IL1RAPL1: variants seen among roughly 807,000 people sequenced by gnomAD.
IL1RAPL1 encodes the protein interleukin-1 receptor accessory protein-like 1.
A neutral mutation model predicts 48.4 loss-of-function variants in IL1RAPL1; 3 were observed. The observed-to-expected ratio is 0.06, with a 90% CI of 0.03 to 0.16. IL1RAPL1 has a LOEUF of 0.16. Ranked by LOEUF, IL1RAPL1 falls within the 10% of genes least tolerant of loss-of-function variation. The pLI is 1.00. For synonymous variants in IL1RAPL1, 185 were observed against 187.7 expected, an observed-to-expected ratio of 0.99 and a Z score of 0.12; for missense variants, 349 against 530.6, an observed-to-expected ratio of 0.66 and a Z score of 3.36.
chrX:29,825,891 G>C (rs897480071), intron 6 of IL1RAPL1, among the ~76,000 whole-genome samples: 4 of 110,802 alleles, frequency 3.6e-5, no homozygotes, highest in Non-Finnish European at 7.6e-5. Flanking sequence ...GCCAGATTTG[G>C]ACTGCTGAAT....
chrX:29,595,332 C>T (rs146185673), intron 5 of IL1RAPL1, among the ~76,000 whole-genome samples: 34 of 111,950 alleles, frequency 3.0e-4, no homozygotes, highest in African/African-American at 7.8e-4. Context: ...CCATAGTGGT[C>T]GTACTAGTTT....
intron 2 of IL1RAPL1, among the ~76,000 whole-genome samples, chrX:29,261,192 A>G (rs961132417): frequency 9.1e-6 from 1 of 110,313 alleles, no homozygotes; most frequent in African/African-American, 3.3e-5. Flanking sequence ...TATGATTTTA[A>G]TGGCTGCAAC....
intron 9 of IL1RAPL1, among the ~76,000 whole-genome samples, chrX:29,944,485 T>C (rs930402151): frequency 2.7e-5 from 3 of 111,873 alleles, no homozygotes; most frequent in African/African-American, 9.7e-5. Context: ...AAGTGTATAA[T>C]TGCAACTTTC....
intron 2 of IL1RAPL1, among the ~76,000 whole-genome samples, chrX:28,882,742 C>T (rs191151066): frequency 8.9e-6 from 1 of 111,954 alleles, no homozygotes; most frequent in African/African-American, 3.2e-5. Context: ...ACATGAAATG[C>T]TAAAGAGTAT....
At chrX:28,705,386 A>G (rs1392063254) in intron 1 of IL1RAPL1, among the ~76,000 whole-genome samples, 1 of 112,001 alleles carries the variant, frequency 8.9e-6, no homozygotes, top group African/African-American at 3.2e-5. Context: ...AATTGTTCAT[A>G]AATCCCCTTC....
At chrX:28,792,638 A>G (rs1344568454) in intron 2 of IL1RAPL1, among the ~76,000 whole-genome samples, 2 of 102,029 alleles carry the variant, frequency 2.0e-5, no homozygotes, top group African/African-American at 7.2e-5. Flanking sequence ...ATACAAAAAA[A>G]TTAGCCGGGC....
At chrX:28,882,131 T>TA (rs1215931841) in intron 2 of IL1RAPL1, among the ~76,000 whole-genome samples, 3 of 109,922 alleles carry the variant, frequency 2.7e-5, no homozygotes, top group East Asian at 2.8e-4. Context: ...TCTTAAAAAT[T>TA]AAAAAAATAT....
At chrX:28,951,819 G>C (rs1387487739) in intron 2 of IL1RAPL1, among the ~76,000 whole-genome samples, 1 of 111,962 alleles carries the variant, frequency 8.9e-6, no homozygotes, top group African/African-American at 3.2e-5. Flanking sequence ...AGGAAACACA[G>C]ATAAATACTT....
chrX:28,698,562 CTG>C (rs1333528554), intron 1 of IL1RAPL1, among the ~76,000 whole-genome samples: 3 of 110,997 alleles, frequency 2.7e-5, no homozygotes, highest in Non-Finnish European at 5.7e-5. Flanking sequence ...ATATAAAAAT[CTG>C]TGAAAACTTT....
chrX:29,925,412 GTTTTTTTTTTTTTTT>G (rs763481708), intron 8 of IL1RAPL1, among the ~76,000 whole-genome samples: 16 of 11,467 alleles, frequency 1.4e-3, no homozygotes, highest in East Asian at 4.8e-3. Context: ...TCCCGTAACT[GTTTTTTTTTTTTTTT>G]TTTTTTTTTT....
chrX:29,083,236 A>C (rs1284254308), intron 2 of IL1RAPL1, among the ~76,000 whole-genome samples: 1 of 112,048 alleles, frequency 8.9e-6, no homozygotes, highest in African/African-American at 3.2e-5. Context: ...GCATATATCC[A>C]AATTTAACCT....
intron 2 of IL1RAPL1, among the ~76,000 whole-genome samples, chrX:28,987,168 T>A (rs532954708): frequency 8.9e-6 from 1 of 112,171 alleles, no homozygotes; most frequent in Admixed American, 9.5e-5. Context: ...TTTCAAAGAG[T>A]GTCCTGAAGG....
intron 3 of IL1RAPL1, among the ~76,000 whole-genome samples, chrX:29,380,318 C>A (rs1933680357): frequency 1.8e-5 from 2 of 112,186 alleles, no homozygotes; most frequent in Non-Finnish European, 3.8e-5. Context: ...ACCTCCGCCT[C>A]TCGGGTTCAA....
In IL1RAPL1 at chrX:29,783,642, G is replaced by A. The variant is rs935981857; in HGVS notation, c.778+115138G>A. Among the ~76,000 whole-genome samples the A allele has an allele frequency of 9.0e-5, 10 of 111,642 alleles. No homozygotes were observed. The Admixed American group carries it at 9.5e-4, about 11-fold the overall frequency. On this transcript the variant is annotated intron_variant, in intron 6 of 10. Transcript: ENST00000378993. The stretch of plus-strand genomic sequence containing the variant: ...GCATGGATAACAGTCCCTGGGTAAT[G>A]TATAAATTCTCTGTCATAAAATACT...
chrX:29,953,786 C>T (rs1933359893), intron 9 of IL1RAPL1, among the ~76,000 whole-genome samples: 1 of 111,082 alleles, frequency 9.0e-6, no homozygotes, highest in Admixed American at 9.6e-5. Flanking sequence ...TCTAAAAAAT[C>T]ATTCATTCAC....
At chrX:29,237,648 G>A (rs988792920) in intron 2 of IL1RAPL1, among the ~76,000 whole-genome samples, 1 of 112,576 alleles carries the variant, frequency 8.9e-6, no homozygotes, top group Non-Finnish European at 1.9e-5. Flanking sequence ...GCTTAGTAAC[G>A]TGTCTTTACA....
At chrX:28,863,820 T>G (rs1278336070) in intron 2 of IL1RAPL1, among the ~76,000 whole-genome samples, 1 of 111,879 alleles carries the variant, frequency 8.9e-6, no homozygotes, top group Non-Finnish European at 1.9e-5. Context: ...GATTCAATAA[T>G]ATATGCTTTT....
intron 1 of IL1RAPL1, among the ~76,000 whole-genome samples, chrX:28,778,662 T>C (rs2147260250): frequency 8.9e-6 from 1 of 112,088 alleles, no homozygotes; most frequent in East Asian, 2.8e-4. Flanking sequence ...GCTAGTCAGG[T>C]TCATCCATTT....
At chrX:28,914,991 A>G (rs1231581672) in intron 2 of IL1RAPL1, among the ~76,000 whole-genome samples, 1 of 111,994 alleles carries the variant, frequency 8.9e-6, no homozygotes, top group East Asian at 2.8e-4. Context: ...ACCAGGGACC[A>G]GTTTTGTGGA....
Sources: gnomAD v4.1 joint callset for allele counts (sites outside exome capture counted in the v4.1 genomes callset) on GRCh38, gnomAD v4.1.1 for gene constraint, MANE v1.5 for transcripts, NCBI Gene and HGNC (gene_info 2026-07-23, HGNC 2026-07-21) for gene names.